The following DNAH7 variants were observed in gnomAD, a reference collection of about 807,000 sequenced individuals.
The protein encoded by DNAH7 is dynein axonemal heavy chain 7.
Under a neutral mutation model 444.6 loss-of-function variants are expected in DNAH7, and 397 were observed. The ratio of observed to expected loss-of-function variants is 0.89; its 90% CI spans 0.82 to 0.97. The LOEUF (loss-of-function observed/expected upper bound fraction) is 0.97. DNAH7 is among the 50% of genes least tolerant of loss of function. The pLI is 0.00. For missense variants in DNAH7, 4,902 were observed against 4,800.8 expected, an observed-to-expected ratio of 1.02 and a Z score of -0.62; for synonymous variants, 1,636 against 1,624.4, an observed-to-expected ratio of 1.01 and a Z score of -0.17.
intron 19 of DNAH7, among the ~76,000 whole-genome samples, chr2:195,951,322 T>C (rs575879599): frequency 2.6e-5 from 4 of 152,322 alleles, no homozygotes; most frequent in South Asian, 4.1e-4. Context: ...TTATGATTTC[T>C]GTTCTTTTGC....
intron 63 of DNAH7, among the ~76,000 whole-genome samples, chr2:195,753,546 A>G (rs997369974): frequency 6.6e-6 from 1 of 152,206 alleles, no homozygotes; most frequent in Non-Finnish European, 1.5e-5. Flanking sequence ...GAGCCAGTGA[A>G]TTCATCATTC....
intron 46 of DNAH7, among the ~76,000 whole-genome samples, chr2:195,852,189 T>C (rs934219007): frequency 7.3e-5 from 11 of 151,152 alleles, no homozygotes; most frequent in Admixed American, 1.3e-4. Context: ...ACCCAGGAGG[T>C]GGAGCTTGCA....
intron 49 of DNAH7, among the ~76,000 whole-genome samples, chr2:195,822,655 G>C (rs1018090780): frequency 1.3e-5 from 2 of 152,056 alleles, no homozygotes; most frequent in Admixed American, 6.6e-5. Flanking sequence ...GGATCTTAAG[G>C]GTTTTGATAC....
Position 195,861,883 on chromosome 2 carries a change from C to G in DNAH7, c.7570G>C (p.Glu2524Gln). The G allele has an allele frequency of 6.2e-7, 1 of 1,613,998 alleles. No individual in the cohort carries two copies. The highest frequency in any genetic ancestry group is 8.5e-7 in the Non-Finnish European group (1 of 1,179,898). The change falls in exon 42 of 65, where the codon GAG (glutamate) becomes CAG (glutamine). Residue 2524 changes from glutamate (E) to glutamine (Q), a missense_variant. Coordinates refer to ENST00000312428, the MANE Select transcript of DNAH7 (RefSeq NM_018897.3). ...SRFLEEIEMS[E>Q]EIRDGCIDMC... is the part of the protein sequence containing the mutation. ...TCGATACAGCCATCTCGTATTTCCTCTGACATTTCAATTTCTTCCAAGAAT... is the reference window on the plus strand; with the variant it reads ...TCGATACAGCCATCTCGTATTTCCTGTGACATTTCAATTTCTTCCAAGAAT...
chr2:195,759,824 C>T (rs1167186424), intron 61 of DNAH7, among the ~76,000 whole-genome samples: 1 of 152,052 alleles, frequency 6.6e-6, no homozygotes, highest in Admixed American at 6.6e-5. Context: ...TGCACTCCAG[C>T]CTGGTTGACA....
At chr2:196,051,160 C>A in intron 3 of DNAH7, 27 bp downstream of exon 3, 1 of 1,593,900 alleles carries the variant, frequency 6.3e-7, no homozygotes, top group South Asian at 1.1e-5. Flanking sequence ...CACAAAAATT[C>A]AATGAGAATA....
chr2:195,762,072 CAA>C (rs1215444077), intron 61 of DNAH7, among the ~76,000 whole-genome samples: 2 of 151,862 alleles, frequency 1.3e-5, no homozygotes, highest in African/African-American at 4.8e-5. Context: ...ATAGGAAAAA[CAA>C]AAAGTTAAAA....
In DNAH7 at chr2:195,875,853, A is replaced by C. The variant is rs770946223; in HGVS notation, c.6118-10T>G. 53 of 1,592,430 alleles carry C rather than the reference A, an allele frequency of 3.3e-5. No homozygotes were observed. The highest frequency in any genetic ancestry group is 2.6e-6 in the Non-Finnish European group (3 of 1,171,934). ...CATCTACAAAGACAACCTGAGAATG[A>C]GAAGAGAAGAGGTACAGAAAATATT... On this transcript the variant is annotated splice_polypyrimidine_tract_variant and intron_variant, in intron 37 of 64. Coordinates refer to ENST00000312428, the MANE Select transcript of DNAH7 (RefSeq NM_018897.3).
At chr2:196,020,159 T>C (rs563877372) in intron 8 of DNAH7, among the ~76,000 whole-genome samples, 6 of 151,250 alleles carry the variant, frequency 4.0e-5, no homozygotes, top group East Asian at 1.9e-4. Context: ...ATATAATACA[T>C]ATAACACATA....
At chr2:195,748,367 T>A (rs1693557969) in intron 63 of DNAH7, among the ~76,000 whole-genome samples, 1 of 152,222 alleles carries the variant, frequency 6.6e-6, no homozygotes, top group African/African-American at 2.4e-5. Flanking sequence ...CATTCCATGC[T>A]CATGGGTAGG....
intron 22 of DNAH7, among the ~76,000 whole-genome samples, chr2:195,925,907 TTAA>T (rs1688301765): frequency 6.6e-6 from 1 of 151,438 alleles, no homozygotes; most frequent in Non-Finnish European, 1.5e-5. Context: ...TAATATTAAA[TTAA>T]TATATCCAAT....
chr2:195,919,053 A>T (rs1223250892), intron 24 of DNAH7, among the ~76,000 whole-genome samples: 1 of 152,050 alleles, frequency 6.6e-6, no homozygotes, highest in African/African-American at 2.4e-5. Context: ...GATCAAGACC[A>T]TCCTGGCCAA....
intron 45 of DNAH7, among the ~76,000 whole-genome samples, chr2:195,854,285 T>C (rs1699568114): frequency 6.6e-6 from 1 of 152,188 alleles, no homozygotes; most frequent in Admixed American, 6.5e-5. Context: ...ATAAAGCTTA[T>C]CTTGATGTTC....
Position 195,896,360 on chromosome 2 carries a change from GT to G in DNAH7, c.4648-1137del, listed in dbSNP as rs35192589. On this transcript the variant is annotated intron_variant, in intron 29 of 64. Coordinates refer to ENST00000312428, the MANE Select transcript of DNAH7 (RefSeq NM_018897.3). ...TTTCTTATGTGTCTTTCAAAGAGTA[GT>G]TTTTTTTTTTCAATTTTGTCAATGT... 1.6e-3 allele frequency among the ~76,000 whole-genome samples: 229 copies of G among 144,448 alleles called. 3 individuals carry two copies. Among genetic ancestry groups the G allele is most frequent in the South Asian group, 6.0e-3 (27 of 4,524 alleles). 94.8% of individuals were successfully genotyped at this position (144,448 alleles called of 152,430 possible).
At chr2:196,017,523 T>C (rs1348358446) in intron 9 of DNAH7, among the ~76,000 whole-genome samples, 2 of 150,694 alleles carry the variant, frequency 1.3e-5, no homozygotes, top group African/African-American at 4.8e-5. Flanking sequence ...TCTCACCAAA[T>C]ATAAGCACAT....
rs762144322 is a variant in DNAH7, at chr2:195,771,941, T to C, written c.11203-51A>G. Reference sequence around the variant, plus strand: ...AAAAATCCTCATAAAGGTCTAACAATAGCTGAATAGGAAAAATCCTAAGGT... The same window carrying C: ...AAAAATCCTCATAAAGGTCTAACAACAGCTGAATAGGAAAAATCCTAAGGT... On this transcript the variant is annotated intron_variant, in intron 60 of 64. Coordinates refer to ENST00000312428, the MANE Select transcript of DNAH7 (RefSeq NM_018897.3). The C allele has an allele frequency of 6.3e-6, 9 of 1,432,708 alleles. No homozygotes were observed. In the South Asian group the frequency reaches 9.2e-5, roughly 15 times the overall value. 88.7% of individuals were successfully genotyped at this position (1,432,708 alleles called of 1,614,324 possible).
chr2:195,866,044 T>A (rs188058582), intron 40 of DNAH7, among the ~76,000 whole-genome samples: 2 of 152,334 alleles, frequency 1.3e-5, no homozygotes, highest in East Asian at 3.9e-4. Context: ...AACTAATACA[T>A]ATATGCTATA....
chr2:195,962,864 CAA>C (rs1691203124), intron 17 of DNAH7, among the ~76,000 whole-genome samples: 1 of 152,094 alleles, frequency 6.6e-6, no homozygotes, highest in Non-Finnish European at 1.5e-5. Context: ...TGGGAACATG[CAA>C]AGTTTGTCTT....
At chr2:195,947,116 T>C (rs1187411254) in intron 19 of DNAH7, among the ~76,000 whole-genome samples, 1 of 147,770 alleles carries the variant, frequency 6.8e-6, no homozygotes, top group Non-Finnish European at 1.5e-5. Context: ...ATATATATAA[T>C]TATAATTATA....
Sources: allele counts gnomAD v4.1 joint callset (sites outside exome capture counted in the v4.1 genomes callset), GRCh38; gene constraint gnomAD v4.1.1; transcripts MANE v1.5; gene names NCBI Gene and HGNC (gene_info 2026-07-23, HGNC 2026-07-21).